The following FOXP2 variants were observed in gnomAD, a reference collection of about 807,000 sequenced individuals.
FOXP2 encodes forkhead box protein P2.
Under a neutral mutation model 115.8 loss-of-function variants are expected in FOXP2, and 12 were observed. The ratio of observed to expected loss-of-function variants is 0.10; its 90% CI spans 0.07 to 0.17. The LOEUF (loss-of-function observed/expected upper bound fraction) is 0.17. FOXP2 is among the 10% of genes least tolerant of loss of function. The pLI, the probability that FOXP2 is intolerant of heterozygous loss-of-function variation, is 1.00. For missense variants in FOXP2, 629 were observed against 843.5 expected (o/e 0.75, Z 3.15); for synonymous variants, 328 against 297.7 (o/e 1.10, Z -1.05).
chr7:114,384,118 C>T (rs187378122), intron 2 of FOXP2, among the ~76,000 whole-genome samples: 1 of 151,974 alleles, frequency 6.6e-6, no homozygotes, highest in African/African-American at 2.4e-5. Context: ...ATTAGTTACG[C>T]TCGCCGATGT....
intron 2 of FOXP2, among the ~76,000 whole-genome samples, chr7:114,439,335 G>C (rs1385899110): frequency 2.0e-5 from 3 of 152,040 alleles, no homozygotes; most frequent in Non-Finnish European, 4.4e-5. Context: ...TAACCTTCCT[G>C]AGCCTCTCCG....
chr7:114,126,112 A>C (rs1297709667), intron 1 of FOXP2, among the ~76,000 whole-genome samples: 1 of 152,154 alleles, frequency 6.6e-6, no homozygotes, highest in Non-Finnish European at 1.5e-5. Flanking sequence ...GTAAATAGAT[A>C]ATTAAAATGC....
intron 4 of FOXP2, 170 bp downstream of exon 4, chr7:114,628,847 A>C (rs570490353): frequency 1.3e-6 from 1 of 774,852 alleles, no homozygotes; most frequent in Non-Finnish European, 2.0e-6. Context: ...AAGAAAATCT[A>C]GATTGCTTAT....
At chr7:114,122,018 T>C (rs1482780715) in intron 1 of FOXP2, among the ~76,000 whole-genome samples, 1 of 152,134 alleles carries the variant, frequency 6.6e-6, no homozygotes, top group Non-Finnish European at 1.5e-5. Context: ...AATGAGTCCA[T>C]CAGAACTTGA....
At chr7:114,494,774 A>C (rs573702510) in intron 2 of FOXP2, among the ~76,000 whole-genome samples, 10 of 152,174 alleles carry the variant, frequency 6.6e-5, no homozygotes, top group Non-Finnish European at 1.3e-4. Flanking sequence ...ATGCCACTGA[A>C]ATTTATATGA....
At position 114,664,598 on chromosome 7, in the gene FOXP2, C is replaced by A. The variant is rs1585007969; in HGVS notation, c.2003+162C>A. 4 of 831,022 alleles carry A rather than the reference C, an allele frequency of 4.8e-6. No homozygotes were observed. The South Asian group carries it at 5.0e-5, about 10-fold the overall frequency. The allele number at this position is 831,022 out of a possible 1,614,324, so 51.5% of individuals were successfully genotyped here. On this transcript the variant is annotated intron_variant, in intron 16 of 16. Transcript: ENST00000350908. The stretch of plus-strand genomic sequence containing the variant: ...ATAATATGACAAAGTTTATCAAAAT[C>A]GGTTTTAATACATTTTTTAGATGAT...
chr7:114,673,587 G>A (rs1441764141), intron 16 of FOXP2, among the ~76,000 whole-genome samples: 2 of 152,120 alleles, frequency 1.3e-5, no homozygotes, highest in East Asian at 3.9e-4. Context: ...ATATAATGTT[G>A]AAGGTAAGAG....
At chr7:114,276,501 C>A (rs1250402047) in intron 1 of FOXP2, among the ~76,000 whole-genome samples, 2 of 152,056 alleles carry the variant, frequency 1.3e-5, no homozygotes, top group East Asian at 3.9e-4. Flanking sequence ...TTCCCCTCCC[C>A]CTGCTGGAAA....
At chr7:114,245,062 G>A (rs527605129) in intron 1 of FOXP2, among the ~76,000 whole-genome samples, 1 of 152,082 alleles carries the variant, frequency 6.6e-6, no homozygotes, top group Non-Finnish European at 1.5e-5. Context: ...GCGCCCGGCC[G>A]TAGTGTTTTC....
intron 2 of FOXP2, among the ~76,000 whole-genome samples, chr7:114,502,239 T>G (rs1015332820): frequency 3.3e-5 from 5 of 152,122 alleles, no homozygotes; most frequent in Non-Finnish European, 7.4e-5. Flanking sequence ...GGAAATTTTG[T>G]TCTTTTATGA....
intron 1 of FOXP2, among the ~76,000 whole-genome samples, chr7:114,211,988 A>G (rs1181850293): frequency 1.3e-5 from 2 of 151,872 alleles, no homozygotes; most frequent in Admixed American, 6.6e-5. Flanking sequence ...CAGGAGAATC[A>G]CTTGAACCCA....
At chr7:114,653,880 T>C (rs752044370) in intron 9 of FOXP2, 46 bp from the exon 10 acceptor site, 2 of 1,547,694 alleles carry the variant, frequency 1.3e-6, no homozygotes, top group Non-Finnish European at 1.8e-6. Flanking sequence ...AAAATAGCTG[T>C]ATCAGTCATT....
At chr7:114,329,611 A>C (rs1164121372) in intron 2 of FOXP2, among the ~76,000 whole-genome samples, 1 of 151,828 alleles carries the variant, frequency 6.6e-6, no homozygotes, top group Non-Finnish European at 1.5e-5. Flanking sequence ...TGAACATATA[A>C]TAGTGATACC....
chr7:114,341,247 G>A (rs972582814), intron 2 of FOXP2, among the ~76,000 whole-genome samples: 4 of 151,182 alleles, frequency 2.6e-5, no homozygotes, highest in Admixed American at 6.6e-5. Flanking sequence ...GAGGCTGACC[G>A]TTAGAATGGT....
intron 2 of FOXP2, among the ~76,000 whole-genome samples, chr7:114,441,260 C>G (rs1794592545): frequency 2.0e-5 from 3 of 151,910 alleles, no homozygotes; most frequent in Admixed American, 1.3e-4. Flanking sequence ...CCAGCCTGGC[C>G]AACATGGTGA....
chr7:114,579,964 T>C (rs1365459044), intron 3 of FOXP2, among the ~76,000 whole-genome samples: 1 of 152,138 alleles, frequency 6.6e-6, no homozygotes, highest in Non-Finnish European at 1.5e-5. Flanking sequence ...AAACAAGTAG[T>C]TAGGAGAGGT....
intron 2 of FOXP2, among the ~76,000 whole-genome samples, chr7:114,473,660 T>A (rs1796140817): frequency 6.6e-6 from 1 of 152,070 alleles, no homozygotes; most frequent in Admixed American, 6.6e-5. Context: ...CCCTTATATA[T>A]ATTGAAATGA....
chr7:114,416,107 T>C (rs922100040), intron 1 of FOXP2, among the ~76,000 whole-genome samples: 9 of 152,018 alleles, frequency 5.9e-5, no homozygotes, highest in African/African-American at 2.2e-4. Flanking sequence ...TTACCATTTC[T>C]GCACTTTTCA....
intron 3 of FOXP2, among the ~76,000 whole-genome samples, chr7:114,617,034 A>G (rs889987095): frequency 8.5e-5 from 13 of 152,212 alleles, no homozygotes; most frequent in Admixed American, 8.5e-4. Context: ...CAAGTGAGCT[A>G]TGATTGTGCC....
Sources: gnomAD v4.1 joint callset for allele counts (sites outside exome capture counted in the v4.1 genomes callset) on GRCh38, gnomAD v4.1.1 for gene constraint, MANE v1.5 for transcripts, NCBI Gene and HGNC (gene_info 2026-07-23, HGNC 2026-07-21) for gene names.